MAF: variants seen among roughly 807,000 people sequenced by gnomAD.
MAF encodes transcription factor Maf.
MAF carries 10 observed loss-of-function variants against 22.0 expected under a neutral mutation model. The observed-to-expected ratio is 0.45, with a 90% CI of 0.28 to 0.77. The LOEUF is 0.77. Ranked by LOEUF, MAF falls within the 30% of genes least tolerant of loss-of-function variation. MAF has a pLI of 0.12. For missense variants in MAF, 544 were observed against 548.4 expected, an observed-to-expected ratio of 0.99 and a Z score of 0.08; for synonymous variants, 337 against 255.8, an observed-to-expected ratio of 1.32 and a Z score of -3.03.
At chr16:79,547,906 G>GAGAGAGAGAGAGAC in the MAF span, among the ~76,000 whole-genome samples, 1 of 110,668 alleles carries the variant, frequency 9.0e-6, no homozygotes. Context: ...GTGTGTGAGA[G>GAGAGAGAGAGAGAC]AGAGAGAGAG....
the MAF span, among the ~76,000 whole-genome samples, chr16:79,233,342 G>C: frequency 6.6e-6 from 1 of 151,982 alleles, no homozygotes; most frequent in Non-Finnish European, 1.5e-5. Context: ...TAGAGTTCTG[G>C]AAGTAGACCT....
the MAF span, among the ~76,000 whole-genome samples, chr16:79,441,842 G>A: frequency 0.64 from 96,648 of 152,134 alleles, 30,668 homozygotes; most frequent in East Asian, 0.7. Flanking sequence ...ATGTGTAATT[G>A]GTTAAGAATG....
chr16:79,308,137 C>G, the MAF span, among the ~76,000 whole-genome samples: 1 of 152,222 alleles, frequency 6.6e-6, no homozygotes, highest in African/African-American at 2.4e-5. Context: ...CACAGCCCTG[C>G]TGACCCAATC....
the MAF span, among the ~76,000 whole-genome samples, chr16:79,536,821 A>G: frequency 3.1e-4 from 47 of 152,332 alleles, no homozygotes; most frequent in African/African-American, 1.1e-3. Flanking sequence ...AATTTAAAGT[A>G]TATCTGAAGA....
At chr16:79,483,446 G>A in the MAF span, among the ~76,000 whole-genome samples, 1 of 150,934 alleles carries the variant, frequency 6.6e-6, no homozygotes, top group Non-Finnish European at 1.5e-5. Flanking sequence ...AAGACCCAAA[G>A]CCATTGTCCA....
the MAF span, among the ~76,000 whole-genome samples, chr16:79,404,904 C>T: frequency 1.2e-4 from 19 of 152,268 alleles, no homozygotes; most frequent in African/African-American, 4.6e-4. Context: ...CAGACACTTA[C>T]AAATTCACTC....
the MAF span, among the ~76,000 whole-genome samples, chr16:79,509,134 C>T: frequency 2.0e-5 from 3 of 152,236 alleles, no homozygotes; most frequent in Admixed American, 6.5e-5. Flanking sequence ...ACGTAGGTTG[C>T]ACTGCTGAAG....
the MAF span, among the ~76,000 whole-genome samples, chr16:79,309,303 G>T: frequency 1.3e-5 from 2 of 152,100 alleles, no homozygotes; most frequent in Non-Finnish European, 2.9e-5. Context: ...TTATATAATT[G>T]CCTTTATTGG....
At chr16:79,424,726 A>G in the MAF span, among the ~76,000 whole-genome samples, 2 of 152,162 alleles carry the variant, frequency 1.3e-5, no homozygotes, top group African/African-American at 4.8e-5. Context: ...AACAACAACA[A>G]CAAAAATCCT....
the MAF span, among the ~76,000 whole-genome samples, chr16:79,318,443 G>T: frequency 6.6e-6 from 1 of 152,130 alleles, no homozygotes; most frequent in Admixed American, 6.5e-5. Context: ...CTCCATCCAT[G>T]GGAAAATGCA....
At chr16:79,250,770 C>T in the MAF span, among the ~76,000 whole-genome samples, 1 of 152,184 alleles carries the variant, frequency 6.6e-6, no homozygotes, top group Non-Finnish European at 1.5e-5. Context: ...GCATTGATTC[C>T]ATGAGCTTCG....
the MAF span, among the ~76,000 whole-genome samples, chr16:79,487,869 C>T: frequency 7.2e-5 from 11 of 152,142 alleles, no homozygotes; most frequent in African/African-American, 2.2e-4. Context: ...TTCATCTCTG[C>T]GTATGGATGA....
the MAF span, among the ~76,000 whole-genome samples, chr16:79,389,669 A>G: frequency 4.6e-5 from 7 of 151,714 alleles, no homozygotes; most frequent in Admixed American, 2.6e-4. Flanking sequence ...CTTGTCTGTC[A>G]TGTTTGCCAT....
the MAF span, among the ~76,000 whole-genome samples, chr16:79,273,353 T>A: frequency 2.0e-5 from 3 of 152,232 alleles, no homozygotes; most frequent in African/African-American, 7.2e-5. Flanking sequence ...GTTAGACTTT[T>A]CATTGCTGCC....
chr16:79,251,424 T>G, the MAF span, among the ~76,000 whole-genome samples: 196 of 151,690 alleles, frequency 1.3e-3, 1 homozygote, highest in African/African-American at 4.6e-3. Context: ...CAAGCAATTC[T>G]CCTGCGTCAG....
chr16:79,402,355 G>C, the MAF span, among the ~76,000 whole-genome samples: 79 of 152,228 alleles, frequency 5.2e-4, no homozygotes, highest in Non-Finnish European at 1.0e-3. Flanking sequence ...GCAGGAGACA[G>C]ATTCTGCTGG....
At chr16:79,528,030 C>A in the MAF span, among the ~76,000 whole-genome samples, 2 of 152,030 alleles carry the variant, frequency 1.3e-5, no homozygotes, top group African/African-American at 4.8e-5. Context: ...GTAATCCCAG[C>A]TACTCAGGAG....
At chr16:79,462,102 C>G in the MAF span, among the ~76,000 whole-genome samples, 1 of 152,204 alleles carries the variant, frequency 6.6e-6, no homozygotes, top group African/African-American at 2.4e-5. Context: ...GGCCCATCAG[C>G]AATTCCTCCC....
the MAF span, among the ~76,000 whole-genome samples, chr16:79,554,586 T>C: frequency 6.6e-6 from 1 of 152,048 alleles, no homozygotes; most frequent in East Asian, 1.9e-4. Flanking sequence ...TGCAAACAAG[T>C]GAGGGCCCCT....
Sources: allele counts gnomAD v4.1 joint callset (sites outside exome capture counted in the v4.1 genomes callset), GRCh38; gene constraint gnomAD v4.1.1; transcripts MANE v1.5; gene names NCBI Gene and HGNC (gene_info 2026-07-23, HGNC 2026-07-21).